Variants in NEK10 observed in about 807,000 individuals in gnomAD.
NEK10 encodes NIMA related kinase 10.
NEK10 carries 122 observed loss-of-function variants against 159.8 expected under a neutral mutation model. That is an observed-to-expected ratio of 0.76 (90% CI 0.66 to 0.89). NEK10 has a LOEUF of 0.89. Ranked by LOEUF, NEK10 falls within the 40% of genes least tolerant of loss-of-function variation. The pLI, the probability that NEK10 is intolerant of heterozygous loss-of-function variation, is 0.00. For missense variants in NEK10, 1,342 were observed against 1,323.1 expected (o/e 1.01, Z -0.22); for synonymous variants, 466 against 457.1 (o/e 1.02, Z -0.25).
chr3:27,364,829 G>A (rs2048943846), intron 1 of NEK10, among the ~76,000 whole-genome samples: 1 of 152,158 alleles, frequency 6.6e-6, no homozygotes, highest in East Asian at 1.9e-4. Context: ...GTCATAATAA[G>A]AGCAAACATT....
intron 11 of NEK10, among the ~76,000 whole-genome samples, chr3:27,305,379 C>T (rs1436108116): frequency 6.6e-6 from 1 of 152,032 alleles, no homozygotes; most frequent in African/African-American, 2.4e-5. Flanking sequence ...CCAGCATTGG[C>T]AGGGCGTGGT....
intron 26 of NEK10, among the ~76,000 whole-genome samples, chr3:27,175,596 AG>A (rs1162229719): frequency 6.6e-6 from 1 of 152,232 alleles, no homozygotes; most frequent in Non-Finnish European, 1.5e-5. Flanking sequence ...ACCGTGCGGA[AG>A]GAATGACTAT....
intron 5 of NEK10, among the ~76,000 whole-genome samples, chr3:27,331,242 A>C (rs2046376188): frequency 8.3e-6 from 1 of 120,062 alleles, no homozygotes; most frequent in Non-Finnish European, 1.9e-5. Context: ...TGTCTCAAAA[A>C]AAAAAAAACA....
At chr3:27,296,725 T>C (rs984734166) in intron 14 of NEK10, among the ~76,000 whole-genome samples, 3 of 152,204 alleles carry the variant, frequency 2.0e-5, no homozygotes, top group African/African-American at 7.2e-5. Flanking sequence ...GCTGTACATA[T>C]AGTAGATTAA....
At chr3:27,208,291 C>T (rs1236700538) in intron 23 of NEK10, among the ~76,000 whole-genome samples, 1 of 152,120 alleles carries the variant, frequency 6.6e-6, no homozygotes, top group East Asian at 1.9e-4. Flanking sequence ...ATAAGCATAG[C>T]TTAGCAGAGA....
At chr3:27,209,343 C>T (rs1950800763) in intron 23 of NEK10, among the ~76,000 whole-genome samples, 1 of 152,140 alleles carries the variant, frequency 6.6e-6, no homozygotes, top group South Asian at 2.1e-4. Context: ...ACAAAAAGAG[C>T]TATTTAAACA....
chr3:27,335,255 G>T (rs1009859223), intron 5 of NEK10, among the ~76,000 whole-genome samples: 1 of 151,236 alleles, frequency 6.6e-6, no homozygotes, highest in East Asian at 1.9e-4. Context: ...CAGGAGATTC[G>T]CTTGAACCTG....
At chr3:27,275,761 A>C (rs1026165829) in intron 22 of NEK10, among the ~76,000 whole-genome samples, 1 of 152,116 alleles carries the variant, frequency 6.6e-6, no homozygotes, top group African/African-American at 2.4e-5. Context: ...AATGACACAA[A>C]TTTCTCAGCC....
rs545531524 is a variant in NEK10 at position 27,346,116 on chromosome 3, G to T, written c.233C>A (p.Ser78Tyr). Reference sequence around the variant, plus strand: ...ATTTTCAAGTTCAACAGCTTCTGTGGATTCATGCCACTGACCCCGAGCTCT... The same window carrying T: ...ATTTTCAAGTTCAACAGCTTCTGTGTATTCATGCCACTGACCCCGAGCTCT... ...GHRARGQWHE[S>Y]TEAVELENFS... Residue 78 changes from serine (S) to tyrosine (Y), a missense_variant, in exon 4 of 36, where the codon TCC becomes TAC. By Grantham distance (144) the Ser-to-Tyr change is moderately radical. Coordinates refer to ENST00000691995, the MANE Select transcript of NEK10 (RefSeq NM_001394966.1). The T allele has an allele frequency of 6.2e-7, 1 of 1,613,724 alleles. No homozygotes were observed. The highest frequency in any genetic ancestry group is 1.3e-5 in the African/African-American group (1 of 75,030).
intron 22 of NEK10, among the ~76,000 whole-genome samples, chr3:27,271,370 GA>G (rs113020057): frequency 0.27 from 40,370 of 149,518 alleles, 5,498 homozygotes; most frequent in Middle Eastern, 0.4. Context: ...TCACTATACA[GA>G]AAAAAAAAAG....
chr3:27,250,588 CAT>C (rs550756052), intron 23 of NEK10, among the ~76,000 whole-genome samples: 25 of 152,264 alleles, frequency 1.6e-4, no homozygotes, highest in Middle Eastern at 3.4e-3. Context: ...TAGCATTTCT[CAT>C]AGGACAGGTC....
At chr3:27,289,757 A>G (rs1023977260) in intron 19 of NEK10, among the ~76,000 whole-genome samples, 1 of 152,244 alleles carries the variant, frequency 6.6e-6, no homozygotes, top group Non-Finnish European at 1.5e-5. Flanking sequence ...CAAACTACAC[A>G]TGAACAAACT....
intron 22 of NEK10, among the ~76,000 whole-genome samples, chr3:27,269,867 A>G (rs1216962751): frequency 6.6e-6 from 1 of 152,238 alleles, no homozygotes; most frequent in African/African-American, 2.4e-5. Flanking sequence ...CTGTCTCATG[A>G]ATGAGTCCTG....
intron 22 of NEK10, among the ~76,000 whole-genome samples, chr3:27,275,180 C>A (rs2149414500): frequency 6.6e-6 from 1 of 152,290 alleles, no homozygotes; most frequent in Non-Finnish European, 1.5e-5. Flanking sequence ...GAAACTAACC[C>A]CATCTGGCTC....
At chr3:27,333,546 C>CAAA (rs141145764) in intron 5 of NEK10, among the ~76,000 whole-genome samples, 1 of 106,042 alleles carries the variant, frequency 9.4e-6, no homozygotes, top group Non-Finnish European at 2.1e-5. Context: ...AACTCCGTCT[C>CAAA]AAAAAAAAAA....
chr3:27,296,705 T>C (rs1462725063), intron 14 of NEK10, among the ~76,000 whole-genome samples: 1 of 152,180 alleles, frequency 6.6e-6, no homozygotes, highest in Non-Finnish European at 1.5e-5. Flanking sequence ...CACACAAACA[T>C]GTATATATAG....
rs144472961 is a variant in NEK10 at position 27,174,499 on chromosome 3, A to G, written c.2716T>C (p.Leu906=). 6.6e-5 allele frequency: 106 copies of G among 1,612,320 alleles called. No homozygotes were observed. In the African/African-American group the frequency reaches 1.2e-3, roughly 18 times the overall value. Residue 906 remains leucine (L), a synonymous_variant, in exon 28 of 36, where the codon TTG becomes CTG. Coordinates refer to ENST00000691995, the MANE Select transcript of NEK10 (RefSeq NM_001394966.1). ...KDTYSEVDDE[L]DISDNSSSSS... is the part of the protein sequence containing the mutation. ...CTGCTGGAGTTATCCGAAATGTCCAATTCATCATCTACCTCTGAATATGTA... is the reference window on the plus strand; with the variant it reads ...CTGCTGGAGTTATCCGAAATGTCCAGTTCATCATCTACCTCTGAATATGTA...
intron 24 of NEK10, 57 bp from the exon 25 acceptor site, chr3:27,201,637 T>A: frequency 8.0e-7 from 1 of 1,251,880 alleles, no homozygotes; most frequent in Non-Finnish European, 1.2e-6. Flanking sequence ...TGTCTTTGAA[T>A]AGTTAATACT....
At chr3:27,212,784 A>G (rs1264963812) in intron 23 of NEK10, among the ~76,000 whole-genome samples, 5 of 152,224 alleles carry the variant, frequency 3.3e-5, no homozygotes, top group African/African-American at 1.2e-4. Context: ...TGGTGGACTA[A>G]AAGATAATAG....
Sources: allele counts gnomAD v4.1 joint callset (sites outside exome capture counted in the v4.1 genomes callset), GRCh38; gene constraint gnomAD v4.1.1; transcripts MANE v1.5; gene names NCBI Gene and HGNC (gene_info 2026-07-23, HGNC 2026-07-21).